The following C22orf39 variants were observed in gnomAD, a reference collection of about 807,000 sequenced individuals.
C22orf39 encodes synaptic plasticity regulator PANTS.
Under a neutral mutation model 18.3 loss-of-function variants are expected in C22orf39, and 20 were observed. The observed-to-expected ratio is 1.09, with a 90% CI of 0.77 to 1.59. The LOEUF is 1.59. Ranked by LOEUF, C22orf39 falls within the 40% of genes most tolerant of loss-of-function variation. The pLI, the probability that C22orf39 is intolerant of heterozygous loss-of-function variation, is 0.00. For missense variants in C22orf39, 195 were observed against 156.1 expected (o/e 1.25, Z -1.33); for synonymous variants, 63 against 59.6 (o/e 1.06, Z -0.26).
chr22:19,443,186 C>A lies in C22orf39; in HGVS notation c.*1079G>T. 7.1e-6 allele frequency: 7 copies of A among 982,664 alleles called. No individual in the cohort carries two copies. Among genetic ancestry groups the A allele is most frequent in the Non-Finnish European group, 8.4e-6 (7 of 829,426 alleles). The allele number at this position is 982,664 out of a possible 1,614,324, so 60.9% of individuals were successfully genotyped here. ...TGTTCTTTAATGGACACCCTTCTAA[C>A]GTGATAGATTATTCTGCCCCAAAGA... On this transcript the variant is annotated 3_prime_UTR_variant, in exon 3 of 3. Coordinates refer to ENST00000399562, the MANE Select transcript of C22orf39 (RefSeq NM_173793.5).
intron 2 of C22orf39, among the ~76,000 whole-genome samples, chr22:19,446,183 T>C (rs1156339153): frequency 6.6e-6 from 1 of 152,178 alleles, no homozygotes; most frequent in Non-Finnish European, 1.5e-5. Flanking sequence ...AAATAATCCC[T>C]ATATTTCTTA....
At chr22:19,447,352 C>A in intron 2 of C22orf39, 26 bp downstream of exon 2, 1 of 1,451,816 alleles carries the variant, frequency 6.9e-7, no homozygotes, top group Non-Finnish European at 9.0e-7. Context: ...CGCTCCGAAG[C>A]GCCGCCCCGC....
chr22:19,446,014 C>T (rs2089637385), intron 2 of C22orf39, among the ~76,000 whole-genome samples: 1 of 152,068 alleles, frequency 6.6e-6, no homozygotes, highest in Non-Finnish European at 1.5e-5. Context: ...TGGAGTCTCA[C>T]CATGTTGCCC....
At position 19,442,042 on chromosome 22, in the gene C22orf39, C is replaced by T; in HGVS notation, c.*2223G>A. On this transcript the variant is annotated 3_prime_UTR_variant, in exon 3 of 3. Transcript: ENST00000399562. ...CTGGGCTCAAGCAATCCTCCCACCT[C>T]AGCCTCCCAAAGTGCTGGGATAACA... 5.3e-6 allele frequency: 1 copy of T among 188,424 alleles called. No individual in the cohort carries two copies. The highest frequency in any genetic ancestry group is 1.1e-5 in the Non-Finnish European group (1 of 91,086). 11.7% of individuals were successfully genotyped at this position (188,424 alleles called of 1,614,324 possible). A position where few individuals can be genotyped will look rare whatever the true frequency, so the allele number is the denominator to read the frequency against.
chr22:19,445,650 T>C (rs991532411), intron 2 of C22orf39, among the ~76,000 whole-genome samples: 3 of 152,190 alleles, frequency 2.0e-5, no homozygotes, highest in Admixed American at 6.5e-5. Context: ...TTTAGACTTA[T>C]ATACCTGACA....
Position 19,447,648 on chromosome 22 carries a change from C to G in C22orf39, c.24+17G>C, listed in dbSNP as rs1569323341. On this transcript the variant is annotated intron_variant, in intron 1 of 2. Coordinates refer to ENST00000399562, the MANE Select transcript of C22orf39 (RefSeq NM_173793.5). ...GGAAGACCCCGGTGGTTCCCGGCTC[C>G]GACCCAGCACACTCACCTGCCAGCC... The G allele has an allele frequency of 6.2e-7, 1 of 1,609,462 alleles. No individual in the cohort carries two copies. The highest frequency in any genetic ancestry group is 8.5e-7 in the Non-Finnish European group (1 of 1,178,296).
chr22:19,447,597 C>T, intron 1 of C22orf39, 52 bp from the exon 2 acceptor site: 1 of 1,530,568 alleles, frequency 6.5e-7, no homozygotes, highest in South Asian at 1.2e-5. Flanking sequence ...GCCCTACGCC[C>T]CGAGCCAGTC....
chr22:19,442,972 C>T lies in C22orf39; in HGVS notation c.*1293G>A. On this transcript the variant is annotated 3_prime_UTR_variant, in exon 3 of 3. Coordinates refer to ENST00000399562, the MANE Select transcript of C22orf39 (RefSeq NM_173793.5). The stretch of plus-strand genomic sequence containing the variant: ...TGCTCATTATTAAACCAGCCACAGC[C>T]ATGCTGGAGGCACCCTGGTTGCCTT... 5.1e-6 allele frequency: 1 copy of T among 194,506 alleles called. No homozygotes were observed. Among genetic ancestry groups the T allele is most frequent in the Non-Finnish European group, 9.4e-6 (1 of 106,910 alleles). The allele number at this position is 194,506 out of a possible 1,614,324, so 12.0% of individuals were successfully genotyped here.
intron 2 of C22orf39, 75 bp downstream of exon 2, chr22:19,447,303 T>A: frequency 7.4e-7 from 1 of 1,354,192 alleles, no homozygotes; most frequent in Non-Finnish European, 9.5e-7. Context: ...TCGCGGGGCA[T>A]GGGGCGTGGA....
rs2089627603 is a variant in C22orf39 at position 19,444,093 on chromosome 22, T to G, written c.*172A>C. The G allele has an allele frequency of 7.4e-7, 1 of 1,343,594 alleles. No individual in the cohort carries two copies. The highest frequency in any genetic ancestry group is 2.0e-5 in the South Asian group (1 of 50,002). 83.2% of individuals were successfully genotyped at this position (1,343,594 alleles called of 1,614,324 possible). A position where few individuals can be genotyped will look rare whatever the true frequency, so the allele number is the denominator to read the frequency against. On this transcript the variant is annotated 3_prime_UTR_variant, in exon 3 of 3. Transcript: ENST00000399562. ...CATCGCAGTGTCAGGGTATCCTGCA[T>G]GCAGGTGAGGGGTGGGCAAGTAGGG...
rs778553988 is a variant in C22orf39, at chr22:19,447,423, C to T, written c.147G>A (p.Leu49=). 2 of 1,509,144 alleles carry T rather than the reference C, an allele frequency of 1.3e-6. No homozygotes were observed. Among genetic ancestry groups the T allele is most frequent in the East Asian group, 2.7e-5 (1 of 37,314 alleles). 93.5% of individuals were successfully genotyped at this position (1,509,144 alleles called of 1,614,324 possible). ...RPACEQWQRD[L]ASCRDWEERR... ...GCTCCTCCCAGTCGCGGCAGCTGGCCAGGTCGCGCTGCCACTGTTCGCAGG... is the reference window on the plus strand; with the variant it reads ...GCTCCTCCCAGTCGCGGCAGCTGGCTAGGTCGCGCTGCCACTGTTCGCAGG... Residue 49 remains leucine (L), a synonymous_variant, in exon 2 of 3, where the codon CTG becomes CTA. Coordinates refer to ENST00000399562, the MANE Select transcript of C22orf39 (RefSeq NM_173793.5).
intron 2 of C22orf39, 130 bp downstream of exon 2, chr22:19,447,248 A>C: frequency 3.0e-6 from 3 of 1,000,528 alleles, no homozygotes; most frequent in Non-Finnish European, 4.1e-6. Context: ...TCTCAAAAGA[A>C]AGGAAGCGTG....
Position 19,444,301 on chromosome 22 carries a change from G to C in C22orf39, c.282C>G (p.Asp94Glu). Residue 94 changes from aspartate (D) to glutamate (E), a missense_variant, in exon 3 of 3, where the codon GAC (aspartate) becomes GAG (glutamate). By Grantham distance (45) the Asp-to-Glu change is conservative. Transcript: ENST00000399562. Reference protein sequence around the residue: ...VWAPRQSPPPDWHLPLPQEKD... With the variant: ...VWAPRQSPPPEWHLPLPQEKD... ...TCTCCTGTGGCAGAGGGAGATGCCA[G>C]TCTGGAGGGGGGCTCTGCCTCGGGG... is the stretch of plus-strand genomic sequence containing the variant. 1.2e-6 allele frequency: 2 copies of C among 1,601,246 alleles called. No individual in the cohort carries two copies. The highest frequency in any genetic ancestry group is 1.7e-6 in the Non-Finnish European group (2 of 1,175,374).
Position 19,441,865 on chromosome 22 carries a change from G to C in C22orf39, c.*2400C>G. 1.3e-6 allele frequency: 1 copy of C among 748,222 alleles called. No individual in the cohort carries two copies. The highest frequency in any genetic ancestry group is 2.1e-6 in the Non-Finnish European group (1 of 484,924). 46.3% of individuals were successfully genotyped at this position (748,222 alleles called of 1,614,324 possible). On this transcript the variant is annotated 3_prime_UTR_variant, in exon 3 of 3. Coordinates refer to ENST00000399562, the MANE Select transcript of C22orf39 (RefSeq NM_173793.5). Reference sequence around the variant, plus strand: ...TGAAGTGCAGTGGGGCACAATCATGGCTCACTGCAGCCTCAAACTCCTGGG... The same window carrying C: ...TGAAGTGCAGTGGGGCACAATCATGCCTCACTGCAGCCTCAAACTCCTGGG...
Position 19,443,529 on chromosome 22 carries a change from T to C in C22orf39, c.*736A>G. The C allele has an allele frequency of 8.1e-6, 8 of 985,810 alleles. No individual in the cohort carries two copies. Among genetic ancestry groups the C allele is most frequent in the Non-Finnish European group, 9.6e-6 (8 of 829,924 alleles). 61.1% of individuals were successfully genotyped at this position (985,810 alleles called of 1,614,324 possible). On this transcript the variant is annotated 3_prime_UTR_variant, in exon 3 of 3. Transcript: ENST00000399562. ...TCAGATGAAATAGCTTTTGATACAT[T>C]AACCACCAGGGGAAATTTTGAGGGA... is the stretch of plus-strand genomic sequence containing the variant.
rs1416105781 is a variant in C22orf39, at chr22:19,441,456, A to T, written c.*2809T>A. On this transcript the variant is annotated 3_prime_UTR_variant, in exon 3 of 3. Coordinates refer to ENST00000399562, the MANE Select transcript of C22orf39 (RefSeq NM_173793.5). ...TTTCAACAATAATATGCTATATATA[A>T]CAGTCTATGCCAGATAATAATGTAA... 13 of 570,388 alleles carry T rather than the reference A, an allele frequency of 2.3e-5. No homozygotes were observed. In the East Asian group the frequency reaches 3.7e-4, roughly 16 times the overall value. The allele number at this position is 570,388 out of a possible 1,614,324, so 35.3% of individuals were successfully genotyped here. A position where few individuals can be genotyped will look rare whatever the true frequency, so the allele number is the denominator to read the frequency against.
intron 2 of C22orf39, among the ~76,000 whole-genome samples, chr22:19,446,084 C>T (rs539294267): frequency 1.3e-5 from 2 of 152,040 alleles, no homozygotes; most frequent in Non-Finnish European, 2.9e-5. Flanking sequence ...CCCAAAGTGC[C>T]GAGATTACAG....
chr22:19,444,194 T>TC lies in C22orf39; in HGVS notation c.*70dup. On this transcript the variant is annotated 3_prime_UTR_variant, in exon 3 of 3. Transcript: ENST00000399562. ...ACCAGACTGTGTAGGCTGGTCACAG[T>TC]CCCCAGGGCTGTGCAACAGCAACTT... The TC allele has an allele frequency of 6.8e-7, 1 of 1,465,598 alleles. No individual in the cohort carries two copies. Among genetic ancestry groups the TC allele is most frequent in the Non-Finnish European group, 9.0e-7 (1 of 1,115,962 alleles). 90.8% of individuals were successfully genotyped at this position (1,465,598 alleles called of 1,614,324 possible). A position where few individuals can be genotyped will look rare whatever the true frequency, so the allele number is the denominator to read the frequency against.
Position 19,446,348 on chromosome 22 carries a change from G to A in C22orf39, c.192+1030C>T, listed in dbSNP as rs1201916704. 2.0e-5 allele frequency among the ~76,000 whole-genome samples: 3 copies of A among 152,174 alleles called. No homozygotes were observed. In the East Asian group the frequency reaches 5.8e-4, roughly 29 times the overall value. The stretch of plus-strand genomic sequence containing the variant: ...TCATTTTCTTTTATACAGCAGTCTG[G>A]TTTCCACATCAGTTCATCTCTTTCA... On this transcript the variant is annotated intron_variant, in intron 2 of 2. Transcript: ENST00000399562.
Sources: allele counts gnomAD v4.1 joint callset (sites outside exome capture counted in the v4.1 genomes callset), GRCh38; gene constraint gnomAD v4.1.1; transcripts MANE v1.5; gene names NCBI Gene and HGNC (gene_info 2026-07-23, HGNC 2026-07-21).